CFAP210: variants seen among roughly 807,000 people sequenced by gnomAD.
CFAP210 encodes cilia and flagella associated protein 210, also known as cilia- and flagella- associated protein 210.
the CFAP210 span, among the ~76,000 whole-genome samples, chr2:169,662,095 G>A: frequency 4.6e-5 from 7 of 152,136 alleles, no homozygotes; most frequent in Admixed American, 2.0e-4. Context: ...TTCCCAACAC[G>A]AAGAAATGAT....
chr2:169,674,804 G>GA, the CFAP210 span: 1 of 1,512,824 alleles, frequency 6.6e-7, no homozygotes, highest in South Asian at 1.3e-5. Context: ...TTAAGGAAAT[G>GA]ATGCCTAATT....
chr2:169,673,729 A>G, the CFAP210 span, among the ~76,000 whole-genome samples: 1 of 152,188 alleles, frequency 6.6e-6, no homozygotes, highest in Admixed American at 6.5e-5. Flanking sequence ...AGAGGCTGGG[A>G]ACAGGAGATA....
the CFAP210 span, chr2:169,661,295 A>G: frequency 1.9e-6 from 1 of 532,848 alleles, no homozygotes; most frequent in African/African-American, 1.9e-5. Flanking sequence ...GCATCTTTTA[A>G]TACTACATTC....
At chr2:169,694,367 G>C in the CFAP210 span, 2 of 1,593,498 alleles carry the variant, frequency 1.3e-6, no homozygotes, top group Non-Finnish European at 1.7e-6. Context: ...GGCGCCAAGC[G>C]CCGCGGACGC....
chr2:169,652,761 C>T, the CFAP210 span, among the ~76,000 whole-genome samples: 1,152 of 150,830 alleles, frequency 7.6e-3, 27 homozygotes, highest in East Asian at 0.082. Context: ...TTTGGGAGGC[C>T]GAGGCGGGCG....
chr2:169,665,005 T>C, the CFAP210 span, among the ~76,000 whole-genome samples: 52 of 152,338 alleles, frequency 3.4e-4, no homozygotes, highest in Admixed American at 2.8e-3. Context: ...ATTACTCACA[T>C]GAGGGACTCC....
chr2:169,672,448 C>T, the CFAP210 span, among the ~76,000 whole-genome samples: 2 of 152,142 alleles, frequency 1.3e-5, no homozygotes, highest in Non-Finnish European at 2.9e-5. Context: ...CTGAGGAAGA[C>T]AGAAACCCGT....
chr2:169,656,031 C>G, the CFAP210 span, among the ~76,000 whole-genome samples: 2 of 152,116 alleles, frequency 1.3e-5, no homozygotes, highest in Non-Finnish European at 2.9e-5. Context: ...AAAATTATGA[C>G]CAATGAGATT....
chr2:169,692,843 A>C, the CFAP210 span, among the ~76,000 whole-genome samples: 5 of 152,218 alleles, frequency 3.3e-5, no homozygotes, highest in Admixed American at 3.3e-4. Flanking sequence ...CCCCTCTACC[A>C]GTTGCTAAGT....
the CFAP210 span, among the ~76,000 whole-genome samples, chr2:169,686,553 T>C: frequency 5.6e-4 from 86 of 152,304 alleles, no homozygotes; most frequent in African/African-American, 2.1e-3. Context: ...GTAAGGTCTC[T>C]CTGCAGAGTC....
At chr2:169,669,511 C>A in the CFAP210 span, among the ~76,000 whole-genome samples, 1 of 151,960 alleles carries the variant, frequency 6.6e-6, no homozygotes, top group Non-Finnish European at 1.5e-5. Context: ...GAGACTGATA[C>A]AACAACCCAT....
At chr2:169,675,779 T>C in the CFAP210 span, among the ~76,000 whole-genome samples, 1 of 152,180 alleles carries the variant, frequency 6.6e-6, no homozygotes, top group African/African-American at 2.4e-5. Flanking sequence ...CTTCCAAAGT[T>C]CCTCTCCACA....
At chr2:169,684,210 GGA>G in the CFAP210 span, among the ~76,000 whole-genome samples, 1 of 152,134 alleles carries the variant, frequency 6.6e-6, no homozygotes, top group Non-Finnish European at 1.5e-5. Context: ...CTCGCAAGCA[GGA>G]GAGAGGGGAC....
At chr2:169,667,287 C>T in the CFAP210 span, among the ~76,000 whole-genome samples, 2 of 151,806 alleles carry the variant, frequency 1.3e-5, no homozygotes, top group East Asian at 1.9e-4. Flanking sequence ...TACAGGTGCC[C>T]GCCACCATGC....
At chr2:169,649,092 T>G in the CFAP210 span, 5 of 1,148,486 alleles carry the variant, frequency 4.4e-6, no homozygotes, top group Admixed American at 8.8e-5. Context: ...TTTTCTTACC[T>G]GATGAAACTG....
At chr2:169,645,543 G>T in the CFAP210 span, 5 of 269,772 alleles carry the variant, frequency 1.9e-5, no homozygotes, top group Admixed American at 2.4e-4. Flanking sequence ...GGGGTTTCTA[G>T]TAAGAGCACT....
At chr2:169,678,341 CAAA>C in the CFAP210 span, among the ~76,000 whole-genome samples, 25,030 of 87,726 alleles carry the variant, frequency 0.29, 1,842 homozygotes, top group Non-Finnish European at 0.33. Flanking sequence ...AACTCTGTTG[CAAA>C]AAAAAAAAAA....
chr2:169,652,717 C>G, the CFAP210 span, among the ~76,000 whole-genome samples: 2 of 151,802 alleles, frequency 1.3e-5, no homozygotes, highest in Non-Finnish European at 2.9e-5. Context: ...AAAAAATAGC[C>G]GGGCGCAGTG....
the CFAP210 span, chr2:169,694,148 G>A: frequency 2.0e-6 from 2 of 988,404 alleles, no homozygotes; most frequent in Non-Finnish European, 3.2e-6. Context: ...CTTTCGACCT[G>A]GTGGAGTCCA....
Sources: allele counts gnomAD v4.1 joint callset (sites outside exome capture counted in the v4.1 genomes callset), GRCh38; gene constraint gnomAD v4.1.1; transcripts MANE v1.5; gene names NCBI Gene and HGNC (gene_info 2026-07-23, HGNC 2026-07-21).